Variants in AMZ1 observed in about 807,000 individuals in gnomAD.
The protein encoded by AMZ1 is archaemetzincin-1.
AMZ1 carries 39 observed loss-of-function variants against 29.9 expected under a neutral mutation model. That is an observed-to-expected ratio of 1.30 (90% CI 1.01 to 1.70). AMZ1 has a LOEUF of 1.70. Ranked by LOEUF, AMZ1 falls within the 40% of genes most tolerant of loss-of-function variation. The pLI is 0.00. For missense variants in AMZ1, 1,041 were observed against 680.6 expected (o/e 1.53, Z -5.89); for synonymous variants, 458 against 304.0 (o/e 1.51, Z -5.27).
chr7:2,713,118 T>G lies in AMZ1; in HGVS notation c.*240T>G, dbSNP rs2115192082. 1 of 385,562 alleles carries G rather than the reference T, an allele frequency of 2.6e-6. No homozygotes were observed. The highest frequency in any genetic ancestry group is 4.5e-6 in the Non-Finnish European group (1 of 221,138). The allele number at this position is 385,562 out of a possible 1,614,324, so 23.9% of individuals were successfully genotyped here. A position where few individuals can be genotyped will look rare whatever the true frequency, so the allele number is the denominator to read the frequency against. ...TTAGCTGGATGAAGTGGTTCATGCC[T>G]GTGTTCCCAGCTATTCAGGAGGCTG... On this transcript the variant is annotated 3_prime_UTR_variant, in exon 7 of 7. Coordinates refer to ENST00000683327, the MANE Select transcript of AMZ1 (RefSeq NM_001384743.1).
chr7:2,697,717 A>G (rs1787827730), intron 1 of AMZ1, among the ~76,000 whole-genome samples: 1 of 152,198 alleles, frequency 6.6e-6, no homozygotes, highest in African/African-American at 2.4e-5. Context: ...GAGCCACCAC[A>G]CTCAGCCAAA....
intron 4 of AMZ1, among the ~76,000 whole-genome samples, chr7:2,758,218 G>A (rs1020033306): frequency 2.0e-5 from 3 of 152,160 alleles, no homozygotes; most frequent in Admixed American, 2.0e-4. Flanking sequence ...TGAAAACTCA[G>A]AGCTTTTAAG....
In AMZ1 at chr7:2,712,928, C is replaced by T; in HGVS notation, c.*50C>T. On this transcript the variant is annotated 3_prime_UTR_variant, in exon 7 of 7. Transcript: ENST00000683327. ...CCTTCCCTAAGGATGCTGGCCAGCACTGTCCAGTAGCTGAGGCCACTACTG... is the reference window on the plus strand; with the variant it reads ...CCTTCCCTAAGGATGCTGGCCAGCATTGTCCAGTAGCTGAGGCCACTACTG... 6.7e-7 allele frequency: 1 copy of T among 1,495,266 alleles called. No individual in the cohort carries two copies. The highest frequency in any genetic ancestry group is 8.9e-7 in the Non-Finnish European group (1 of 1,122,050). 92.6% of individuals were successfully genotyped at this position (1,495,266 alleles called of 1,614,324 possible).
At chr7:2,694,736 G>A (rs560819415) in intron 1 of AMZ1, among the ~76,000 whole-genome samples, 1 of 151,280 alleles carries the variant, frequency 6.6e-6, no homozygotes, top group Admixed American at 6.6e-5. Context: ...GCAGTGGCGC[G>A]ATCTCAGCTC....
chr7:2,682,886 A>G (rs1415939635), intron 1 of AMZ1, among the ~76,000 whole-genome samples: 1 of 152,120 alleles, frequency 6.6e-6, no homozygotes, highest in Non-Finnish European at 1.5e-5. Flanking sequence ...TCCACCTGGC[A>G]CACCCCCATC....
intron 4 of AMZ1, among the ~76,000 whole-genome samples, chr7:2,745,155 G>C (rs1417649241): frequency 1.3e-5 from 2 of 152,080 alleles, no homozygotes; most frequent in Non-Finnish European, 2.9e-5. Context: ...TTCAAAATCA[G>C]GAAATACAGA....
chr7:2,737,281 T>TTGTTTTG lies in AMZ1; in HGVS notation n.551-27430_551-27429insGTTTTGT, dbSNP rs1562394925. Among the ~76,000 whole-genome samples, 12 of 71,560 alleles carry TTGTTTTG rather than the reference T, an allele frequency of 1.7e-4. 1 individual carries two copies. The highest frequency in any genetic ancestry group is 7.1e-4 in the African/African-American group (11 of 15,462). The allele number at this position is 71,560 out of a possible 152,430, so 46.9% of individuals were successfully genotyped here. ...ATCTCACAGTTTTGTTTTGTTTTTT[T>TTGTTTTG]TTTTTTTGTTTTTTTTTTTTTTTTT... On this transcript the variant is annotated intron_variant and non_coding_transcript_variant, in intron 4 of 4. Transcript: ENST00000489665.
chr7:2,710,205 GC>G (rs113497271), intron 6 of AMZ1, among the ~76,000 whole-genome samples: 36,376 of 152,106 alleles, frequency 0.24, 6,325 homozygotes, highest in African/African-American at 0.49. Context: ...GGAGGCACAG[GC>G]CCCTTGCGAG....
rs139450528 is a variant in AMZ1 at position 2,696,089 on chromosome 7, C to T, written c.-218-4145C>T. On this transcript the variant is annotated intron_variant, in intron 1 of 6. Coordinates refer to ENST00000683327, the MANE Select transcript of AMZ1 (RefSeq NM_001384743.1). ...CTGTGTGTTCCAACCCCCCTCGCCC[C>T]GCCCCCCACAACCTCTGATTCTGGG... Among the ~76,000 whole-genome samples, 526 of 151,786 alleles carry T rather than the reference C, an allele frequency of 3.5e-3. 4 individuals carry two copies. The highest frequency in any genetic ancestry group is 0.012 in the African/African-American group (497 of 41,374).
At chr7:2,741,497 T>C (rs1302109567) in intron 4 of AMZ1, among the ~76,000 whole-genome samples, 1 of 152,204 alleles carries the variant, frequency 6.6e-6, no homozygotes, top group African/African-American at 2.4e-5. Flanking sequence ...GTTAGCTTTC[T>C]ACTTTTTGGG....
At position 2,702,777 on chromosome 7, in the gene AMZ1, A is replaced by C. The variant is rs61738701; in HGVS notation, c.360A>C (p.Thr120=). 6 of 1,544,258 alleles carry C rather than the reference A, an allele frequency of 3.9e-6. No homozygotes were observed. Among genetic ancestry groups the C allele is most frequent in the Non-Finnish European group, 5.2e-6 (6 of 1,147,574 alleles). ...TGCTGCACCAGCTGTGCAGCTGCAC[A>C]GAGGCCTTCTTCCTGGGCCTGCGCG... ...SSLLHQLCSC[T]EAFFLGLRVK... is the part of the protein sequence containing the mutation. The change falls in exon 3 of 7, where the codon ACA becomes ACC. Residue 120 remains threonine (T), a synonymous_variant. Transcript: ENST00000683327.
chr7:2,696,776 C>T (rs1420263584), intron 1 of AMZ1, among the ~76,000 whole-genome samples: 5 of 151,954 alleles, frequency 3.3e-5, no homozygotes, highest in African/African-American at 7.2e-5. Context: ...GTCCCAACTA[C>T]TTGGGAGGCT....
chr7:2,760,949 CT>C (rs1375503832), upstream of AMZ1, among the ~76,000 whole-genome samples: 15 of 152,348 alleles, frequency 9.8e-5, no homozygotes, highest in Non-Finnish European at 5.9e-5. Flanking sequence ...CCAGCTCCCC[CT>C]GTCCTTCCCA....
At chr7:2,755,762 A>T (rs575180755) in intron 4 of AMZ1, among the ~76,000 whole-genome samples, 1 of 152,252 alleles carries the variant, frequency 6.6e-6, no homozygotes, top group Non-Finnish European at 1.5e-5. Flanking sequence ...AAAACAGGAA[A>T]TTTTTTTTAA....
At chr7:2,691,730 C>CAAAAAAAAAAAAAA (rs55752807) in intron 1 of AMZ1, among the ~76,000 whole-genome samples, 1 of 84,638 alleles carries the variant, frequency 1.2e-5, no homozygotes, top group African/African-American at 6.2e-5. Flanking sequence ...GGCTCCGTCT[C>CAAAAAAAAAAAAAA]AAAAAAAAAA....
Position 2,753,229 on chromosome 7 carries a change from A to G in AMZ1, n.551-11483A>G, listed in dbSNP as rs1483772803. 2.0e-5 allele frequency among the ~76,000 whole-genome samples: 3 copies of G among 152,132 alleles called. No homozygotes were observed. In the South Asian group the frequency reaches 6.2e-4, roughly 32 times the overall value. On this transcript the variant is annotated intron_variant and non_coding_transcript_variant, in intron 4 of 4. Transcript: ENST00000489665. ...GAATGCAGCGGCATGATCATGGCTC[A>G]CTGCAAACTCTCCTCCCAGGCTCAA... is the stretch of plus-strand genomic sequence containing the variant.
intron 3 of AMZ1, among the ~76,000 whole-genome samples, chr7:2,705,554 G>A (rs1173885077): frequency 6.6e-6 from 1 of 152,194 alleles, no homozygotes; most frequent in Non-Finnish European, 1.5e-5. Context: ...CATCGTGGGT[G>A]TTGGAAGCAG....
At chr7:2,723,536 G>C (rs1024031741), downstream of AMZ1, among the ~76,000 whole-genome samples, 1 of 152,222 alleles carries the variant, frequency 6.6e-6, no homozygotes, top group Non-Finnish European at 1.5e-5. Context: ...GGCTGCGGGA[G>C]ATCCCTTGGG....
chr7:2,724,613 G>T (rs1290891357), downstream of AMZ1, among the ~76,000 whole-genome samples: 1 of 145,484 alleles, frequency 6.9e-6, no homozygotes, highest in African/African-American at 2.5e-5. Flanking sequence ...GGGACCCCAC[G>T]GTAACTGCAC....
Sources: allele counts gnomAD v4.1 joint callset (sites outside exome capture counted in the v4.1 genomes callset), GRCh38; gene constraint gnomAD v4.1.1; transcripts MANE v1.5; gene names NCBI Gene and HGNC (gene_info 2026-07-23, HGNC 2026-07-21).